Variants in MYT1L observed in about 807,000 individuals in gnomAD.
MYT1L encodes myelin transcription factor 1 like.
Under a neutral mutation model 126.7 loss-of-function variants are expected in MYT1L, and 12 were observed. That is an observed-to-expected ratio of 0.09 (90% CI 0.06 to 0.15). MYT1L has a LOEUF of 0.15. MYT1L is among the 10% of genes least tolerant of loss of function. The pLI is 1.00. For missense variants in MYT1L, 979 were observed against 1,585.2 expected (o/e 0.62, Z 6.49); for synonymous variants, 541 against 604.2 (o/e 0.90, Z 1.53).
intron 5 of MYT1L, among the ~76,000 whole-genome samples, chr2:1,996,223 C>A (rs528018692): frequency 7.6e-4 from 116 of 152,356 alleles, no homozygotes; most frequent in African/African-American, 2.5e-3. Flanking sequence ...ACGCAGAGAG[C>A]ACACAACCTA....
At chr2:2,025,074 C>T (rs2065403095) in intron 4 of MYT1L, among the ~76,000 whole-genome samples, 1 of 152,148 alleles carries the variant, frequency 6.6e-6, no homozygotes, top group Non-Finnish European at 1.5e-5. Context: ...TTACTGTGGA[C>T]ATGTTCTGTG....
intron 2 of MYT1L, among the ~76,000 whole-genome samples, chr2:2,229,112 T>C (rs1008067037): frequency 6.6e-6 from 1 of 152,220 alleles, no homozygotes. Context: ...TGTGTTTATG[T>C]TTATATTAGG....
chr2:1,850,176 CCCTCCCCCTT>C (rs1430197120), intron 19 of MYT1L, among the ~76,000 whole-genome samples: 3 of 130,374 alleles, frequency 2.3e-5, no homozygotes, highest in Non-Finnish European at 5.0e-5. Context: ...CTTCCCCTCC[CCCTCCCCCTT>C]CCTTCCTTCC....
At chr2:1,857,294 A>T in intron 18 of MYT1L, among the ~76,000 whole-genome samples, 1 of 152,272 alleles carries the variant, frequency 6.6e-6, no homozygotes, top group East Asian at 1.9e-4. Context: ...CTACTTATTT[A>T]TTTTTTTTAA....
intron 3 of MYT1L, among the ~76,000 whole-genome samples, chr2:2,063,813 C>T (rs555575056): frequency 6.6e-6 from 1 of 152,092 alleles, no homozygotes; most frequent in African/African-American, 2.4e-5. Flanking sequence ...CATTGCACTC[C>T]AGCCTGGGTG....
At chr2:2,242,525 C>T (rs930373327) in intron 2 of MYT1L, among the ~76,000 whole-genome samples, 4 of 152,188 alleles carry the variant, frequency 2.6e-5, no homozygotes, top group Non-Finnish European at 4.4e-5. Context: ...ATAAGAGACG[C>T]TCTATCAACA....
At chr2:2,174,639 T>C (rs1470889225) in intron 2 of MYT1L, among the ~76,000 whole-genome samples, 1 of 150,734 alleles carries the variant, frequency 6.6e-6, no homozygotes, top group African/African-American at 2.5e-5. Flanking sequence ...TGGCCTCTTT[T>C]ATTTTGACCT....
intron 4 of MYT1L, among the ~76,000 whole-genome samples, chr2:2,036,892 C>T (rs542927504): frequency 6.6e-6 from 1 of 152,190 alleles, no homozygotes; most frequent in Non-Finnish European, 1.5e-5. Context: ...TTGTGCCTGT[C>T]ACCAGGCCCT....
chr2:1,843,044 AG>A (rs1237767799), intron 19 of MYT1L: 2 of 152,920 alleles, frequency 1.3e-5, no homozygotes, highest in African/African-American at 4.8e-5. Context: ...CCGCTTCCTC[AG>A]GGGGACCCGA....
chr2:1,868,708 G>A (rs771945133), intron 18 of MYT1L, among the ~76,000 whole-genome samples: 1 of 152,228 alleles, frequency 6.6e-6, no homozygotes, highest in Non-Finnish European at 1.5e-5. Context: ...CCCTGGGGCT[G>A]AGAGGCAGGG....
intron 2 of MYT1L, among the ~76,000 whole-genome samples, chr2:2,268,842 G>C (rs1222348606): frequency 6.6e-6 from 1 of 152,126 alleles, no homozygotes; most frequent in Non-Finnish European, 1.5e-5. Flanking sequence ...TTAGTTATTA[G>C]CCTAAGTAAA....
intron 4 of MYT1L, among the ~76,000 whole-genome samples, chr2:2,016,422 A>G (rs112252992): frequency 0.038 from 5,730 of 152,312 alleles, 136 homozygotes; most frequent in Non-Finnish European, 0.057. Context: ...GCCCTTTGGA[A>G]TTTAAGATGG....
intron 23 of MYT1L, among the ~76,000 whole-genome samples, chr2:1,800,689 C>G (rs11127318): frequency 0.48 from 72,490 of 152,014 alleles, 17,677 homozygotes; most frequent in South Asian, 0.6. Context: ...GCCTCAACCT[C>G]TGCATTTACA....
intron 3 of MYT1L, among the ~76,000 whole-genome samples, chr2:2,114,774 ACGCAAGGAGT>A (rs2079971830): frequency 6.6e-6 from 1 of 152,228 alleles, no homozygotes; most frequent in Non-Finnish European, 1.5e-5. Context: ...TTCATAAACA[ACGCAAGGAGT>A]CGAAGAGATC....
intron 8 of MYT1L, among the ~76,000 whole-genome samples, chr2:1,950,571 G>T (rs931898716): frequency 3.3e-5 from 5 of 152,070 alleles, no homozygotes; most frequent in African/African-American, 1.2e-4. Flanking sequence ...TGCCAGAGAG[G>T]ACAGAGGAGG....
chr2:2,291,808 C>A (rs924656085), intron 1 of MYT1L, among the ~76,000 whole-genome samples: 1 of 152,240 alleles, frequency 6.6e-6, no homozygotes, highest in Non-Finnish European at 1.5e-5. Context: ...CAGGAGCCCA[C>A]ATGACCGGGT....
intron 3 of MYT1L, among the ~76,000 whole-genome samples, chr2:2,167,447 C>T (rs1263511531): frequency 2.0e-5 from 3 of 152,210 alleles, no homozygotes; most frequent in Admixed American, 6.5e-5. Flanking sequence ...ACTCTGTCAA[C>T]AGCTCCCTGT....
intron 4 of MYT1L, among the ~76,000 whole-genome samples, chr2:2,009,660 C>T (rs534154785): frequency 6.6e-6 from 1 of 152,292 alleles, no homozygotes; most frequent in Admixed American, 6.5e-5. Context: ...AGAAATGCTA[C>T]TTCTTCCTTC....
At chr2:2,179,023 T>A (rs1366449114) in intron 2 of MYT1L, among the ~76,000 whole-genome samples, 1 of 151,556 alleles carries the variant, frequency 6.6e-6, no homozygotes. Context: ...CAAAGAGCAG[T>A]AACTGGGTTC....
Sources: allele counts gnomAD v4.1 joint callset (sites outside exome capture counted in the v4.1 genomes callset), GRCh38; gene constraint gnomAD v4.1.1; transcripts MANE v1.5; gene names NCBI Gene and HGNC (gene_info 2026-07-23, HGNC 2026-07-21).